The following PLIN1 variants were observed in gnomAD, a reference collection of about 807,000 sequenced individuals.
PLIN1 encodes the protein perilipin 1, also known as perilipin-1.
Under a neutral mutation model 45.8 loss-of-function variants are expected in PLIN1, and 37 were observed. That is an observed-to-expected ratio of 0.81 (90% CI 0.62 to 1.06). The LOEUF (loss-of-function observed/expected upper bound fraction) is 1.06, where lower values mean the gene tolerates loss of function less well. Ranked by LOEUF, PLIN1 falls within the 50% of genes least tolerant of loss-of-function variation. PLIN1 has a pLI of 0.00. For synonymous variants in PLIN1, 340 were observed against 309.2 expected (o/e 1.10, Z -1.05); for missense variants, 776 against 716.5 (o/e 1.08, Z -0.95).
chr15:89,665,488 A>T lies in PLIN1; in HGVS notation c.*95T>A. The T allele has an allele frequency of 8.1e-7, 1 of 1,235,432 alleles. No individual in the cohort carries two copies. Among genetic ancestry groups the T allele is most frequent in the Non-Finnish European group, 1.1e-6 (1 of 899,960 alleles). The allele number at this position is 1,235,432 out of a possible 1,614,324, so 76.5% of individuals were successfully genotyped here. ...ATGAGGCTGAGCTCCCCAGGGGACC[A>T]CTTTGAAAGTGGCAACGCTCGCCTG... On this transcript the variant is annotated 3_prime_UTR_variant, in exon 9 of 9. Coordinates refer to ENST00000300055, the MANE Select transcript of PLIN1 (RefSeq NM_002666.5).
At chr15:89,670,594 C>T (rs1042696488) in intron 4 of PLIN1, among the ~76,000 whole-genome samples, 2 of 152,174 alleles carry the variant, frequency 1.3e-5, no homozygotes, top group Non-Finnish European at 2.9e-5. Context: ...CAGAACACAG[C>T]ATTTCTGTTG....
intron 5 of PLIN1, 59 bp from the exon 6 acceptor site, chr15:89,669,731 C>G (rs1964407882): frequency 6.7e-7 from 1 of 1,491,180 alleles, no homozygotes; most frequent in African/African-American, 1.4e-5. Flanking sequence ...CCGGAGAGAT[C>G]TGGGTCATGT....
At chr15:89,672,874 C>G (rs1596042347) in intron 3 of PLIN1, among the ~76,000 whole-genome samples, 1 of 152,360 alleles carries the variant, frequency 6.6e-6, no homozygotes, top group Admixed American at 6.5e-5. Context: ...GCTGCTGCTG[C>G]TGCCTGTGCT....
intron 3 of PLIN1, among the ~76,000 whole-genome samples, chr15:89,672,516 G>C (rs895688509): frequency 2.0e-5 from 3 of 152,234 alleles, no homozygotes; most frequent in African/African-American, 7.2e-5. Context: ...GTCCTCTCCT[G>C]TTTGCTGTGT....
At chr15:89,669,372 C>G in intron 6 of PLIN1, 128 bp downstream of exon 6, 1 of 852,170 alleles carries the variant, frequency 1.2e-6, no homozygotes, top group Non-Finnish European at 2.0e-6. Flanking sequence ...GAACTGAAGC[C>G]CCAGCCCACG....
chr15:89,665,865 C>CCGG lies in PLIN1; in HGVS notation c.1284_1286dup (p.Arg429dup), dbSNP rs756590330. On this transcript the variant is annotated inframe_insertion, in exon 9 of 9. Transcript: ENST00000300055. ...CCCCAGACGCTCTGCGCTCCGCCTC[C>CCGG]CGGCGCTCGACCTCGGCTGGTGGGT... 6.2e-4 allele frequency: 933 copies of CCGG among 1,503,588 alleles called. 1 individual carries two copies. Among genetic ancestry groups the CCGG allele is most frequent in the Non-Finnish European group, 7.8e-4 (880 of 1,132,762 alleles). The allele number at this position is 1,503,588 out of a possible 1,614,324, so 93.1% of individuals were successfully genotyped here.
intron 4 of PLIN1, among the ~76,000 whole-genome samples, chr15:89,671,087 G>C (rs528506163): frequency 6.6e-6 from 1 of 152,308 alleles, no homozygotes; most frequent in Non-Finnish European, 1.5e-5. Flanking sequence ...TAAAAGGTTG[G>C]ATCTTGAGGA....
In PLIN1 at chr15:89,671,490, G is replaced by A. The variant is rs768147408; in HGVS notation, c.325C>T (p.Pro109Ser). ...EEKIPALQYP[P>S]EKIASELKDT... is the part of the protein sequence containing the mutation. ...AGGTGGGAAGGGCTCACCTTTTCAG[G>A]GGGGTACTGGAGGGCGGGGATCTTT... Residue 109 changes from proline (P) to serine (S), a missense_variant, in exon 4 of 9, where the codon CCT becomes TCT. Coordinates refer to ENST00000300055, the MANE Select transcript of PLIN1 (RefSeq NM_002666.5). 1 of 1,569,630 alleles carries A rather than the reference G, an allele frequency of 6.4e-7. No homozygotes were observed. Among genetic ancestry groups the A allele is most frequent in the Admixed American group, 1.9e-5 (1 of 53,422 alleles).
chr15:89,666,190 C>T (rs1964337516), intron 8 of PLIN1, among the ~76,000 whole-genome samples: 1 of 152,222 alleles, frequency 6.6e-6, no homozygotes, highest in African/African-American at 2.4e-5. Context: ...ATCCCCTAGG[C>T]CTTCCTGAGG....
Position 89,667,206 on chromosome 15 carries a change from C to A in PLIN1, c.964-25G>T, listed in dbSNP as rs4032998. The A allele has an allele frequency of 0.047, 76,298 of 1,611,756 alleles. 1,960 individuals carry two copies. The highest frequency in any genetic ancestry group is 0.078 in the East Asian group (3,520 of 44,864). On this transcript the variant is annotated intron_variant, in intron 7 of 8. Coordinates refer to ENST00000300055, the MANE Select transcript of PLIN1 (RefSeq NM_002666.5). ...CCTGGGGGCCAAAGCAGGGTCAGTG[C>A]CTCCTGTGGTAACTCCCCTGACCCT...
intron 2 of PLIN1, among the ~76,000 whole-genome samples, chr15:89,675,174 G>A (rs144926371): frequency 4.3e-4 from 66 of 152,248 alleles, no homozygotes; most frequent in Admixed American, 2.0e-3. Context: ...CGATCTGCAC[G>A]TGCTGGGTGT....
At position 89,675,938 on chromosome 15, in the gene PLIN1, G is replaced by T. The variant is rs1483461939; in HGVS notation, c.45+1507C>A. On this transcript the variant is annotated intron_variant, in intron 2 of 8. Coordinates refer to ENST00000300055, the MANE Select transcript of PLIN1 (RefSeq NM_002666.5). ...AATTAATGGAAGTGAGGACGAGGCG[G>T]GATTGGCCACGAATTCATGGTCTTC... Among the ~76,000 whole-genome samples, 6 of 152,108 alleles carry T rather than the reference G, an allele frequency of 3.9e-5. No individual in the cohort carries two copies. In the East Asian group the frequency reaches 1.2e-3, roughly 29 times the overall value.
In PLIN1 at chr15:89,670,922, T is replaced by G. The variant is rs28620246; in HGVS notation, c.333+560A>C. Among the ~76,000 whole-genome samples the G allele has an allele frequency of 4.4e-3, 666 of 152,318 alleles. 8 individuals carry two copies. Among genetic ancestry groups the G allele is most frequent in the African/African-American group, 0.015 (638 of 41,568 alleles). On this transcript the variant is annotated intron_variant, in intron 4 of 8. Coordinates refer to ENST00000300055, the MANE Select transcript of PLIN1 (RefSeq NM_002666.5). ...GCCCCGGGCATAGGGTAGGGCTCAG[T>G]ACCTGTTTGTGGGAAGGGTAGATAG... is the stretch of plus-strand genomic sequence containing the variant.
At position 89,670,145 on chromosome 15, in the gene PLIN1, C is replaced by T. The variant is rs775747125; in HGVS notation, c.433G>A (p.Ala145Thr). Residue 145 changes from alanine (A) to threonine (T), a missense_variant, in exon 5 of 9, where the codon GCC (alanine) becomes ACC (threonine). By Grantham distance (58) the Ala-to-Thr change is moderately conservative. Coordinates refer to ENST00000300055, the MANE Select transcript of PLIN1 (RefSeq NM_002666.5). Reference protein sequence around the residue: ...IASTSDKVLGAALAGCELAWG... With the variant: ...IASTSDKVLGTALAGCELAWG... ...GCAAGCTCGCACCCGGCCAAAGCGG[C>T]CCCCAGGACCTTGTCTGAAGTGCTC... 6.2e-7 allele frequency: 1 copy of T among 1,614,164 alleles called. No individual in the cohort carries two copies. The highest frequency in any genetic ancestry group is 1.1e-5 in the South Asian group (1 of 91,062).
Position 89,665,759 on chromosome 15 carries a change from G to C in PLIN1, c.1393C>G (p.Pro465Ala), listed in dbSNP as rs1311061283. 1 of 1,273,644 alleles carries C rather than the reference G, an allele frequency of 7.9e-7. No homozygotes were observed. The highest frequency in any genetic ancestry group is 2.7e-5 in the South Asian group (1 of 36,924). 78.9% of individuals were successfully genotyped at this position (1,273,644 alleles called of 1,614,324 possible). The change falls in exon 9 of 9, where the codon CCC (proline) becomes GCC (alanine). Residue 465 changes from proline to alanine, a missense_variant. Coordinates refer to ENST00000300055, the MANE Select transcript of PLIN1 (RefSeq NM_002666.5). The part of the protein sequence containing the change: ...SLRSAQSPGA[P>A]PGPGLEDEVA... ...TCGTCCTCCAGGCCCGGGCCGGGGG[G>C]CGCGCCGGGGCTCTGCGCGCTGCGC...
rs757835560 is a variant in PLIN1, at chr15:89,667,195, C to T, written c.964-14G>A. 1.9e-6 allele frequency: 3 copies of T among 1,612,460 alleles called. No homozygotes were observed. The highest frequency in any genetic ancestry group is 1.1e-5 in the South Asian group (1 of 91,012). The stretch of plus-strand genomic sequence containing the variant: ...CAGGGCTGCTACCTGGGGGCCAAAG[C>T]AGGGTCAGTGCCTCCTGTGGTAACT... On this transcript the variant is annotated splice_polypyrimidine_tract_variant and intron_variant, in intron 7 of 8. Transcript: ENST00000300055.
intron 2 of PLIN1, chr15:89,676,898 T>C (rs1964527698): frequency 6.3e-6 from 1 of 159,532 alleles, no homozygotes; most frequent in Admixed American, 5.8e-5. Flanking sequence ...CTGAGATGCC[T>C]TGCCAGGAGC....
In PLIN1 at chr15:89,669,691, G is replaced by C. The variant is rs1300250009; in HGVS notation, c.599-19C>G. 1 of 1,612,498 alleles carries C rather than the reference G, an allele frequency of 6.2e-7. No homozygotes were observed. The highest frequency in any genetic ancestry group is 1.7e-5 in the Admixed American group (1 of 59,936). On this transcript the variant is annotated intron_variant, in intron 5 of 8. Coordinates refer to ENST00000300055, the MANE Select transcript of PLIN1 (RefSeq NM_002666.5). Reference sequence around the variant, plus strand: ...GCAGGGGCTGGGTAGGGATTTGGGGGGAAAGAAGAGAAAACAGGTCAGAGA... The same window carrying C: ...GCAGGGGCTGGGTAGGGATTTGGGGCGAAAGAAGAGAAAACAGGTCAGAGA...
At chr15:89,665,963 T>G in intron 8 of PLIN1, 21 bp from the exon 9 acceptor site, 1 of 1,473,688 alleles carries the variant, frequency 6.8e-7, no homozygotes, top group Non-Finnish European at 9.0e-7. Context: ...GGCAGCCGCC[T>G]TAGAGTCCTG....
Sources: gnomAD v4.1 joint callset for allele counts (sites outside exome capture counted in the v4.1 genomes callset) on GRCh38, gnomAD v4.1.1 for gene constraint, MANE v1.5 for transcripts, NCBI Gene and HGNC (gene_info 2026-07-23, HGNC 2026-07-21) for gene names.